The following L2HGDH variants were observed in gnomAD, a reference collection of about 807,000 sequenced individuals.
The protein encoded by L2HGDH is L-2-hydroxyglutarate dehydrogenase.
L2HGDH carries 34 observed loss-of-function variants against 51.5 expected under a neutral mutation model. The observed-to-expected ratio is 0.66, with a 90% CI of 0.50 to 0.88. L2HGDH has a LOEUF of 0.88. Ranked by LOEUF, L2HGDH falls within the 40% of genes least tolerant of loss-of-function variation. The probability of loss-of-function intolerance (pLI) is 0.00; values close to 1 mark genes in which losing one functional copy is unlikely to be tolerated. For synonymous variants in L2HGDH, 198 were observed against 197.9 expected (o/e 1.00, Z -0.01); for missense variants, 558 against 571.9 (o/e 0.98, Z 0.25).
chr14:50,262,836 G>A (rs900656164), intron 9 of L2HGDH, among the ~76,000 whole-genome samples: 4 of 151,608 alleles, frequency 2.6e-5, no homozygotes, highest in African/African-American at 9.7e-5. Context: ...TAGGAATCAA[G>A]AGACGAAGCA....
At position 50,265,347 on chromosome 14, in the gene L2HGDH, CT is replaced by C; in HGVS notation, c.1196+10del. The C allele has an allele frequency of 1.2e-6, 2 of 1,608,236 alleles. No homozygotes were observed. Among genetic ancestry groups the C allele is most frequent in the Non-Finnish European group, 1.7e-6 (2 of 1,174,958 alleles). On this transcript the variant is annotated intron_variant, in intron 9 of 9. Coordinates refer to ENST00000267436, the MANE Select transcript of L2HGDH (RefSeq NM_024884.3). ...AGGACTGTATTTACACTCCTTATCC[CT>C]TTTCCTTACCTAAGTATATCACTGA...
chr14:50,272,106 A>C (rs1889729592), intron 6 of L2HGDH, among the ~76,000 whole-genome samples: 3 of 152,256 alleles, frequency 2.0e-5, no homozygotes, highest in Admixed American at 2.0e-4. Flanking sequence ...GTGCCTCTGC[A>C]CTTCAGCCTG....
intron 1 of L2HGDH, among the ~76,000 whole-genome samples, chr14:50,306,327 G>A (rs2030723764): frequency 6.6e-6 from 1 of 152,136 alleles, no homozygotes; most frequent in Non-Finnish European, 1.5e-5. Flanking sequence ...GGGATTACAG[G>A]TGTGAACCAC....
intron 4 of L2HGDH, among the ~76,000 whole-genome samples, chr14:50,288,188 G>T (rs1457921557): frequency 6.6e-6 from 1 of 152,076 alleles, no homozygotes; most frequent in East Asian, 1.9e-4. Context: ...TTTCACAATT[G>T]AATTCCATCA....
chr14:50,266,430 C>A (rs1889336816), intron 8 of L2HGDH, among the ~76,000 whole-genome samples: 1 of 152,078 alleles, frequency 6.6e-6, no homozygotes, highest in South Asian at 2.1e-4. Context: ...ATTGCTTGAG[C>A]CCAGGAGTTC....
chr14:50,285,208 C>T (rs1297362514), intron 4 of L2HGDH, among the ~76,000 whole-genome samples: 1 of 152,198 alleles, frequency 6.6e-6, no homozygotes, highest in Non-Finnish European at 1.5e-5. Flanking sequence ...GATGATGCCA[C>T]TGCGCTCCAG....
Position 50,242,929 on chromosome 14 carries a change from G to C in L2HGDH, c.*4129C>G. On this transcript the variant is annotated 3_prime_UTR_variant, in exon 10 of 10. Coordinates refer to ENST00000267436, the MANE Select transcript of L2HGDH (RefSeq NM_024884.3). ...CATGTCTCCTGTGTTTACAGGGATA[G>C]CTCATAGGTACAGCCATCAGGGTTG... 1.0e-6 allele frequency: 1 copy of C among 985,474 alleles called. No individual in the cohort carries two copies. Among genetic ancestry groups the C allele is most frequent in the African/African-American group, 1.7e-5 (1 of 57,358 alleles). The allele number at this position is 985,474 out of a possible 1,614,324, so 61.0% of individuals were successfully genotyped here.
At chr14:50,260,456 G>A (rs1420722368) in intron 9 of L2HGDH, among the ~76,000 whole-genome samples, 1 of 152,096 alleles carries the variant, frequency 6.6e-6, no homozygotes, top group Non-Finnish European at 1.5e-5. Context: ...TATTTTATAC[G>A]TTGAGTCACA....
intron 6 of L2HGDH, 58 bp from the exon 7 acceptor site, chr14:50,269,388 G>A: frequency 1.3e-6 from 2 of 1,488,052 alleles, no homozygotes; most frequent in East Asian, 4.5e-5. Context: ...AGGTCAAGAG[G>A]GGAAAAACAG....
chr14:50,256,529 A>AG (rs1231937226), intron 9 of L2HGDH, among the ~76,000 whole-genome samples: 1 of 152,054 alleles, frequency 6.6e-6, no homozygotes, highest in East Asian at 1.9e-4. Context: ...AAAAAAAAAA[A>AG]AAAAATTAAA....
In L2HGDH at chr14:50,293,672, C is replaced by T. The variant is rs116587645; in HGVS notation, c.540+443G>A. 7.6e-3 allele frequency among the ~76,000 whole-genome samples: 1,160 copies of T among 152,256 alleles called. 20 individuals carry two copies. The highest frequency in any genetic ancestry group is 0.026 in the African/African-American group (1,101 of 41,552). ...ACTCATGCCAGCCTTATCCGCCTATCGTATAGATCAGACACTACAGCTGCC... is the reference window on the plus strand; with the variant it reads ...ACTCATGCCAGCCTTATCCGCCTATTGTATAGATCAGACACTACAGCTGCC... On this transcript the variant is annotated intron_variant, in intron 4 of 9. Coordinates refer to ENST00000267436, the MANE Select transcript of L2HGDH (RefSeq NM_024884.3).
intron 6 of L2HGDH, among the ~76,000 whole-genome samples, chr14:50,270,243 T>C (rs1214081515): frequency 6.6e-6 from 1 of 152,206 alleles, no homozygotes; most frequent in Non-Finnish European, 1.5e-5. Context: ...TAAATTTTAT[T>C]TTGTGATTAT....
At chr14:50,279,356 C>T (rs1890134378) in intron 5 of L2HGDH, among the ~76,000 whole-genome samples, 1 of 146,964 alleles carries the variant, frequency 6.8e-6, no homozygotes, top group Non-Finnish European at 1.5e-5. Flanking sequence ...ACAAAACAAA[C>T]TCTAAGTGAA....
At chr14:50,250,545 G>C (rs973131135) in intron 9 of L2HGDH, among the ~76,000 whole-genome samples, 10 of 152,074 alleles carry the variant, frequency 6.6e-5, no homozygotes, top group African/African-American at 2.4e-4. Context: ...CTCTGGACAC[G>C]CCTGGGGCCT....
chr14:50,254,517 A>T (rs1888547173), intron 9 of L2HGDH, among the ~76,000 whole-genome samples: 1 of 152,010 alleles, frequency 6.6e-6, no homozygotes, highest in Non-Finnish European at 1.5e-5. Context: ...TCCCCTCAAC[A>T]TCAGGACCAG....
chr14:50,290,966 G>A (rs754268751), intron 4 of L2HGDH, among the ~76,000 whole-genome samples: 8 of 152,028 alleles, frequency 5.3e-5, no homozygotes, highest in Admixed American at 4.6e-4. Context: ...TTGGGAGGCC[G>A]AGGTGGGCGG....
At chr14:50,247,888 G>C (rs1445329261) in intron 9 of L2HGDH, among the ~76,000 whole-genome samples, 1 of 151,976 alleles carries the variant, frequency 6.6e-6, no homozygotes, top group Non-Finnish European at 1.5e-5. Context: ...TTAATAAAAT[G>C]AGAGTCTTTT....
At chr14:50,299,724 A>C (rs2030290876) in intron 3 of L2HGDH, 1 of 154,160 alleles carries the variant, frequency 6.5e-6, no homozygotes, top group Admixed American at 6.5e-5. Flanking sequence ...GACAAAAACC[A>C]TACAATCAGG....
chr14:50,245,263 G>T lies in L2HGDH; in HGVS notation c.*1795C>A. ...AGCCTTAGTGTGACTAAAGATCAGA[G>T]ATATAATAGATAAATAACTTTTTTA... On this transcript the variant is annotated 3_prime_UTR_variant, in exon 10 of 10. Transcript: ENST00000267436. The T allele has an allele frequency of 1.0e-6, 1 of 984,910 alleles. No homozygotes were observed. The allele number at this position is 984,910 out of a possible 1,614,324, so 61.0% of individuals were successfully genotyped here. A position where few individuals can be genotyped will look rare whatever the true frequency, so the allele number is the denominator to read the frequency against.
Sources: gnomAD v4.1 joint callset for allele counts (sites outside exome capture counted in the v4.1 genomes callset) on GRCh38, gnomAD v4.1.1 for gene constraint, MANE v1.5 for transcripts, NCBI Gene and HGNC (gene_info 2026-07-23, HGNC 2026-07-21) for gene names.